MYRFL: variants seen among roughly 807,000 people sequenced by gnomAD.
MYRFL encodes myelin regulatory factor-like protein.
Under a neutral mutation model 109.4 loss-of-function variants are expected in MYRFL, and 88 were observed. The ratio of observed to expected loss-of-function variants is 0.80; its 90% CI spans 0.68 to 0.96. The LOEUF (loss-of-function observed/expected upper bound fraction) is 0.96. Among genes scored for constraint, MYRFL ranks in the 40% least tolerant of loss-of-function variants. The pLI is 0.00. For missense variants in MYRFL, 957 were observed against 954.9 expected (o/e 1.00, Z -0.03); for synonymous variants, 324 against 320.9 (o/e 1.01, Z -0.10).
chr12:69,952,390 T>C (rs987701416), intron 20 of MYRFL, among the ~76,000 whole-genome samples: 3 of 152,220 alleles, frequency 2.0e-5, no homozygotes, highest in African/African-American at 7.2e-5. Context: ...GTGGTTGATC[T>C]CCATGGATGT....
intron 11 of MYRFL, among the ~76,000 whole-genome samples, chr12:69,907,850 G>C (rs1954418139): frequency 6.6e-6 from 1 of 152,132 alleles, no homozygotes; most frequent in Non-Finnish European, 1.5e-5. Flanking sequence ...GCACATAGTA[G>C]CTACTCAATA....
At chr12:69,862,555 G>A (rs1420153245) in intron 2 of MYRFL, among the ~76,000 whole-genome samples, 1 of 149,754 alleles carries the variant, frequency 6.7e-6, no homozygotes, top group Non-Finnish European at 1.5e-5. Flanking sequence ...CCGTTTGTCT[G>A]TTGTTGGTGT....
Position 69,903,849 on chromosome 12 carries a change from G to A in MYRFL, c.1383+5G>A, listed in dbSNP as rs2136345722. 6.6e-7 allele frequency: 1 copy of A among 1,521,650 alleles called. No homozygotes were observed. The highest frequency in any genetic ancestry group is 2.0e-5 in the Admixed American group (1 of 50,386). The allele number at this position is 1,521,650 out of a possible 1,614,324, so 94.3% of individuals were successfully genotyped here. A position where few individuals can be genotyped will look rare whatever the true frequency, so the allele number is the denominator to read the frequency against. On this transcript the variant is annotated splice_donor_5th_base_variant and intron_variant, in intron 11 of 24. Transcript: ENST00000552032. Reference sequence around the variant, plus strand: ...GCAAAGCAGAATATCCAGGAGGTGAGCACAGATTCAGGCCCTGGGCCCCTC... The same window carrying A: ...GCAAAGCAGAATATCCAGGAGGTGAACACAGATTCAGGCCCTGGGCCCCTC...
chr12:69,952,098 T>G lies in MYRFL; in HGVS notation c.2225-15T>G, dbSNP rs546573403. The G allele has an allele frequency of 1.3e-6, 2 of 1,535,980 alleles. No homozygotes were observed. Among genetic ancestry groups the G allele is most frequent in the South Asian group, 2.4e-5 (2 of 84,058 alleles). ...GAACAAGCCTTCAAGATTGACAGAC[T>G]TGTTTCCTTTTCAGAAGACAAAAGC... On this transcript the variant is annotated splice_polypyrimidine_tract_variant and intron_variant, in intron 19 of 24. Transcript: ENST00000552032.
rs1221596449 is a variant in MYRFL, at chr12:69,936,349, A to G, written c.2044+14A>G. ...CCTCCTCCTCAGGTAAAGGCTTCAC[A>G]TTCCTCACCCTCAAACCCGGTTTCA... On this transcript the variant is annotated intron_variant, in intron 18 of 24. Coordinates refer to ENST00000552032, the MANE Select transcript of MYRFL (RefSeq NM_182530.3). 2 of 1,535,408 alleles carry G rather than the reference A, an allele frequency of 1.3e-6. No homozygotes were observed. Among genetic ancestry groups the G allele is most frequent in the South Asian group, 2.4e-5 (2 of 83,968 alleles).
intron 15 of MYRFL, among the ~76,000 whole-genome samples, chr12:69,928,073 C>T (rs1337046433): frequency 5.9e-5 from 9 of 152,126 alleles, no homozygotes; most frequent in Non-Finnish European, 8.8e-5. Flanking sequence ...ATGCCTTGAC[C>T]GCCACCCCCT....
chr12:69,928,660 C>T (rs556422917), intron 15 of MYRFL, among the ~76,000 whole-genome samples: 3 of 152,314 alleles, frequency 2.0e-5, no homozygotes, highest in African/African-American at 7.2e-5. Context: ...TAAAAATATA[C>T]GTAGAAGTGC....
At chr12:69,834,291 A>G (rs975323076) in intron 1 of MYRFL, among the ~76,000 whole-genome samples, 6 of 152,340 alleles carry the variant, frequency 3.9e-5, no homozygotes, top group Non-Finnish European at 5.9e-5. Flanking sequence ...TTCTGAAGAG[A>G]GCATCATGTG....
At position 69,955,344 on chromosome 12, in the gene MYRFL, ATT is replaced by A. The variant is rs1313244260; in HGVS notation, c.2376-16_2376-15del. ...CCTGCATATTTTGATTTGTGGTTTT[ATT>A]TTCTTTCCATAATTAGATCTGGAAA... On this transcript the variant is annotated splice_polypyrimidine_tract_variant and intron_variant, in intron 21 of 24. Transcript: ENST00000552032. The A allele has an allele frequency of 4.9e-6, 3 of 609,216 alleles. No homozygotes were observed. The highest frequency in any genetic ancestry group is 8.5e-6 in the Non-Finnish European group (3 of 352,212). The allele number at this position is 609,216 out of a possible 1,614,324, so 37.7% of individuals were successfully genotyped here.
intron 5 of MYRFL, among the ~76,000 whole-genome samples, chr12:69,880,881 G>A (rs969115013): frequency 3.5e-5 from 5 of 144,384 alleles, no homozygotes; most frequent in African/African-American, 1.3e-4. Context: ...CCCAGTGGAT[G>A]TTTGAAATTT....
chr12:69,852,878 A>G (rs918531131), intron 1 of MYRFL, among the ~76,000 whole-genome samples: 4 of 152,284 alleles, frequency 2.6e-5, no homozygotes, highest in South Asian at 4.1e-4. Flanking sequence ...GACACAGCAC[A>G]TGTTTCAGAG....
intron 13 of MYRFL, among the ~76,000 whole-genome samples, chr12:69,914,601 T>C (rs1184964537): frequency 6.6e-6 from 1 of 152,180 alleles, no homozygotes; most frequent in East Asian, 1.9e-4. Context: ...GTTGAGTTGA[T>C]TGGGAATAGT....
intron 2 of MYRFL, among the ~76,000 whole-genome samples, chr12:69,856,550 A>C (rs1404146527): frequency 6.6e-6 from 1 of 152,050 alleles, no homozygotes; most frequent in Non-Finnish European, 1.5e-5. Flanking sequence ...CTTCATTGCC[A>C]ATTCTTGGGT....
chr12:69,833,277 A>G, intron 1 of MYRFL, among the ~76,000 whole-genome samples: 1 of 152,206 alleles, frequency 6.6e-6, no homozygotes, highest in East Asian at 1.9e-4. Context: ...GGAAACCAGA[A>G]GAGTGTGGTT....
At chr12:69,870,102 T>C (rs1400748232) in intron 2 of MYRFL, among the ~76,000 whole-genome samples, 1 of 67,038 alleles carries the variant, frequency 1.5e-5, no homozygotes, top group African/African-American at 5.3e-5. Flanking sequence ...TTTCTTCCTT[T>C]TTTTTTTTTT....
intron 13 of MYRFL, among the ~76,000 whole-genome samples, chr12:69,913,965 T>C (rs577448165): frequency 6.6e-6 from 1 of 152,346 alleles, no homozygotes; most frequent in East Asian, 1.9e-4. Flanking sequence ...ATGCTTTCTT[T>C]AATTTCTTTC....
At chr12:69,852,072 G>C (rs191834209) in intron 1 of MYRFL, among the ~76,000 whole-genome samples, 3 of 152,356 alleles carry the variant, frequency 2.0e-5, no homozygotes, top group Non-Finnish European at 4.4e-5. Flanking sequence ...GGGAGAAATA[G>C]TTGAATTGGT....
In MYRFL at chr12:69,927,692, A is replaced by C. The variant is rs1309804695; in HGVS notation, c.1774A>C (p.Ser592Arg). 7 of 1,533,500 alleles carry C rather than the reference A, an allele frequency of 4.6e-6. No individual in the cohort carries two copies. Among genetic ancestry groups the C allele is most frequent in the Non-Finnish European group, 6.1e-6 (7 of 1,146,356 alleles). The allele number at this position is 1,533,500 out of a possible 1,614,324, so 95.0% of individuals were successfully genotyped here. Reference sequence around the variant, plus strand: ...TTTCTCTCTCTTTTAAAGCAAATCTAGCAGAGCCGTTAGTGCATCTTCTCC... The same window carrying C: ...TTTCTCTCTCTTTTAAAGCAAATCTCGCAGAGCCGTTAGTGCATCTTCTCC... ...ASEASTISKS[S>R]RAVSASSPRR... Residue 592 changes from serine (S) to arginine (R), a missense_variant, in exon 15 of 25, where the codon AGC (serine) becomes CGC (arginine). Physicochemically the swap from Ser to Arg is moderately radical, Grantham distance 110. Coordinates refer to ENST00000552032, the MANE Select transcript of MYRFL (RefSeq NM_182530.3).
At chr12:69,884,536 G>A (rs951202679) in intron 5 of MYRFL, among the ~76,000 whole-genome samples, 6 of 152,226 alleles carry the variant, frequency 3.9e-5, no homozygotes, top group Admixed American at 6.5e-5. Context: ...CTGGAGAAGT[G>A]GAGCTGGCTT....
Sources: gnomAD v4.1 joint callset for allele counts (sites outside exome capture counted in the v4.1 genomes callset) on GRCh38, gnomAD v4.1.1 for gene constraint, MANE v1.5 for transcripts, NCBI Gene and HGNC (gene_info 2026-07-23, HGNC 2026-07-21) for gene names.